PDZD2: variants seen among roughly 807,000 people sequenced by gnomAD.
PDZD2 encodes the protein PDZ domain-containing protein 2.
A neutral mutation model predicts 220.7 loss-of-function variants in PDZD2; 90 were observed. The ratio of observed to expected loss-of-function variants is 0.41; its 90% CI spans 0.34 to 0.49. The LOEUF (loss-of-function observed/expected upper bound fraction) is 0.49. Among genes scored for constraint, PDZD2 ranks in the 20% least tolerant of loss-of-function variants. The pLI is 0.28. For synonymous variants in PDZD2, 1,375 were observed against 1,450.5 expected (o/e 0.95, Z 1.18); for missense variants, 3,174 against 3,608.5 (o/e 0.88, Z 3.08).
chr5:31,948,503 T>A (rs1746866647), intron 2 of PDZD2, among the ~76,000 whole-genome samples: 2 of 152,116 alleles, frequency 1.3e-5, no homozygotes, highest in African/African-American at 4.8e-5. Context: ...CCCCTGGAAA[T>A]GATAGAGCTT....
intron 14 of PDZD2, among the ~76,000 whole-genome samples, chr5:32,065,930 A>G (rs756539295): frequency 1.3e-5 from 2 of 152,048 alleles, no homozygotes; most frequent in Non-Finnish European, 2.9e-5. Flanking sequence ...GGGCCGAGGC[A>G]GGAGAATCGC....
chr5:31,856,619 C>T (rs1472932315), intron 2 of PDZD2, among the ~76,000 whole-genome samples: 2 of 152,060 alleles, frequency 1.3e-5, no homozygotes, highest in Non-Finnish European at 2.9e-5. Flanking sequence ...AATTTCCCAG[C>T]GGCGCACCTG....
intron 2 of PDZD2, among the ~76,000 whole-genome samples, chr5:31,842,405 C>T (rs1290132530): frequency 6.6e-6 from 1 of 152,316 alleles, no homozygotes; most frequent in East Asian, 1.9e-4. Flanking sequence ...GGCCTCCTGG[C>T]TCCACGGCTC....
intron 1 of PDZD2, among the ~76,000 whole-genome samples, chr5:31,649,937 C>CAAAAA (rs6148975): frequency 1.2e-4 from 9 of 73,506 alleles, no homozygotes; most frequent in African/African-American, 1.7e-4. Flanking sequence ...GACTCCGTCT[C>CAAAAA]AAAAAAAAAA....
intron 1 of PDZD2, among the ~76,000 whole-genome samples, chr5:31,722,748 G>C (rs572794119): frequency 1.3e-5 from 2 of 150,690 alleles, no homozygotes; most frequent in Non-Finnish European, 3.0e-5. Context: ...GGAATGCTGT[G>C]GCGCAATCTC....
chr5:31,845,474 G>A (rs868709646), intron 2 of PDZD2, among the ~76,000 whole-genome samples: 40 of 152,348 alleles, frequency 2.6e-4, no homozygotes, highest in Middle Eastern at 3.4e-3. Flanking sequence ...GTGTTCCCTG[G>A]AGAATGAGTG....
intron 6 of PDZD2, among the ~76,000 whole-genome samples, chr5:32,018,898 GT>G (rs1753982694): frequency 6.6e-6 from 1 of 152,190 alleles, no homozygotes; most frequent in South Asian, 2.1e-4. Flanking sequence ...TTTGGGGGTG[GT>G]TTTTGTTTGG....
At chr5:31,869,337 T>C (rs1157306089) in intron 2 of PDZD2, among the ~76,000 whole-genome samples, 1 of 152,126 alleles carries the variant, frequency 6.6e-6, no homozygotes, top group African/African-American at 2.4e-5. Flanking sequence ...GTGACGTGTG[T>C]TCATCAGCAC....
intron 8 of PDZD2, 63 bp from the exon 9 acceptor site, chr5:32,052,548 T>C (rs1738663938): frequency 6.7e-7 from 1 of 1,494,832 alleles, no homozygotes; most frequent in African/African-American, 1.4e-5. Flanking sequence ...TGTATTTTTC[T>C]GCCAGATACC....
rs546414281 is a variant in PDZD2, at chr5:32,091,859, A to G, written c.7727+684A>G. ...CTCTGAGGAGAGGCTTCTAGAGGAC[A>G]TGGCACTTAAGCAAAAGCAACATGA... On this transcript the variant is annotated intron_variant, in intron 20 of 24. Transcript: ENST00000438447. 4.4e-4 allele frequency among the ~76,000 whole-genome samples: 67 copies of G among 152,316 alleles called. 1 individual carries two copies. The highest frequency in any genetic ancestry group is 7.5e-4 in the Non-Finnish European group (51 of 68,020).
chr5:31,872,142 GGT>G (rs55806241), intron 2 of PDZD2, among the ~76,000 whole-genome samples: 33,496 of 147,580 alleles, frequency 0.23, 4,408 homozygotes, highest in East Asian at 0.37. Context: ...TAAGGTGAGT[GGT>G]GTGTGTGTGT....
intron 4 of PDZD2, among the ~76,000 whole-genome samples, chr5:31,999,106 G>A (rs1364774582): frequency 6.6e-6 from 1 of 152,248 alleles, no homozygotes; most frequent in Non-Finnish European, 1.5e-5. Flanking sequence ...CCAGCCCAAT[G>A]GGAAGAAAGT....
chr5:31,684,951 A>G (rs1746792093), intron 1 of PDZD2, among the ~76,000 whole-genome samples: 1 of 152,050 alleles, frequency 6.6e-6, no homozygotes, highest in African/African-American at 2.4e-5. Flanking sequence ...TTATTTACTT[A>G]TTTAAGGGTA....
intron 1 of PDZD2, chr5:31,712,004 TTGG>T: frequency 6.6e-6 from 1 of 152,558 alleles, no homozygotes; most frequent in African/African-American, 2.4e-5. Context: ...AGGAGGGAAA[TTGG>T]TGGTGAGCTG....
intron 5 of PDZD2, among the ~76,000 whole-genome samples, chr5:32,009,604 GC>G (rs1753123248): frequency 6.6e-6 from 1 of 151,962 alleles, no homozygotes; most frequent in Non-Finnish European, 1.5e-5. Flanking sequence ...GGTGGTGCAT[GC>G]CCTGTACTTC....
At chr5:31,905,746 T>G (rs1239410244) in intron 2 of PDZD2, among the ~76,000 whole-genome samples, 1 of 152,208 alleles carries the variant, frequency 6.6e-6, no homozygotes, top group African/African-American at 2.4e-5. Context: ...GATTTATAAC[T>G]TTTCATTTTG....
At chr5:31,755,036 G>A (rs1378958070) in intron 1 of PDZD2, among the ~76,000 whole-genome samples, 2 of 152,218 alleles carry the variant, frequency 1.3e-5, no homozygotes, top group Non-Finnish European at 2.9e-5. Flanking sequence ...TTGATGTTGT[G>A]TGATGTGGGG....
intron 6 of PDZD2, among the ~76,000 whole-genome samples, chr5:32,011,018 A>AAC (rs1753267061): frequency 6.7e-6 from 1 of 150,300 alleles, no homozygotes; most frequent in Non-Finnish European, 1.5e-5. Context: ...CAAAAAAAAA[A>AAC]AAAACAACAA....
At chr5:31,928,129 G>T (rs1440291908) in intron 2 of PDZD2, among the ~76,000 whole-genome samples, 1 of 152,228 alleles carries the variant, frequency 6.6e-6, no homozygotes, top group African/African-American at 2.4e-5. Context: ...CTGAAGGGGA[G>T]TGCAAATCAG....
Sources: gnomAD v4.1 joint callset for allele counts (sites outside exome capture counted in the v4.1 genomes callset) on GRCh38, gnomAD v4.1.1 for gene constraint, MANE v1.5 for transcripts, NCBI Gene and HGNC (gene_info 2026-07-23, HGNC 2026-07-21) for gene names.